SYNE2: variants seen among roughly 807,000 people sequenced by gnomAD.
SYNE2 encodes spectrin repeat containing nuclear envelope protein 2, also known as nesprin-2.
In SYNE2, 431 loss-of-function variants were observed where a neutral mutation model predicts 856.3. The observed-to-expected ratio is 0.50, with a 90% CI of 0.47 to 0.55. The LOEUF (loss-of-function observed/expected upper bound fraction) is 0.55, where lower values mean the gene tolerates loss of function less well. Ranked by LOEUF, SYNE2 falls within the 20% of genes least tolerant of loss-of-function variation. The probability of loss-of-function intolerance (pLI) is 0.00; values close to 1 mark genes in which losing one functional copy is unlikely to be tolerated. For synonymous variants in SYNE2, 2,923 were observed against 2,872.3 expected, an observed-to-expected ratio of 1.02 and a Z score of -0.56; for missense variants, 8,129 against 8,023.2, an observed-to-expected ratio of 1.01 and a Z score of -0.50.
At chr14:63,903,780 T>C (rs1374437468) in intron 1 of SYNE2, among the ~76,000 whole-genome samples, 1 of 151,638 alleles carries the variant, frequency 6.6e-6, no homozygotes, top group African/African-American at 2.4e-5. Context: ...TGATACCTTA[T>C]ATTTGATTAA....
intron 11 of SYNE2, 149 bp downstream of exon 11, chr14:63,967,995 T>C: frequency 1.4e-6 from 1 of 728,078 alleles, no homozygotes; most frequent in South Asian, 1.5e-5. Context: ...AAACCCTGTC[T>C]CTACTAAAAA....
chr14:64,046,011 A>G (rs2097183665), intron 45 of SYNE2, among the ~76,000 whole-genome samples: 1 of 152,230 alleles, frequency 6.6e-6, no homozygotes, highest in Non-Finnish European at 1.5e-5. Context: ...TTTATTCACA[A>G]ATTTGATACC....
chr14:64,180,361 G>T (rs2098452305), intron 96 of SYNE2, among the ~76,000 whole-genome samples: 1 of 151,108 alleles, frequency 6.6e-6, no homozygotes, highest in South Asian at 2.1e-4. Flanking sequence ...ACCATGAAAA[G>T]TTCTGATAAG....
chr14:64,203,208 G>C (rs1475477388), intron 100 of SYNE2, among the ~76,000 whole-genome samples: 1 of 151,988 alleles, frequency 6.6e-6, no homozygotes, highest in Non-Finnish European at 1.5e-5. Context: ...CTTAATCTTG[G>C]TGGTTAATGA....
intron 65 of SYNE2, 117 bp from the exon 66 acceptor site, chr14:64,113,224 C>T (rs2097826261): frequency 1.3e-6 from 2 of 1,564,940 alleles, no homozygotes; most frequent in East Asian, 4.6e-5. Flanking sequence ...TTCTTTCTTC[C>T]TTCTTCTGTC....
At chr14:63,767,478 AT>A (rs1194080382) in intron 1 of SYNE2, among the ~76,000 whole-genome samples, 1 of 152,130 alleles carries the variant, frequency 6.6e-6, no homozygotes, top group Non-Finnish European at 1.5e-5. Flanking sequence ...ATGCAAAATC[AT>A]TTAAATTAAG....
chr14:64,026,148 C>T (rs565502475), intron 41 of SYNE2, among the ~76,000 whole-genome samples: 8 of 151,986 alleles, frequency 5.3e-5, no homozygotes, highest in East Asian at 1.9e-4. Context: ...AAAGTGAGAA[C>T]GAGAATTAAT....
intron 2 of SYNE2, among the ~76,000 whole-genome samples, chr14:63,917,483 T>A (rs12892555): frequency 0.091 from 13,832 of 152,286 alleles, 700 homozygotes; most frequent in South Asian, 0.18. Flanking sequence ...TTATTTATTT[T>A]TTTTGAGACG....
chr14:64,071,451 G>A (rs940466888), intron 52 of SYNE2, among the ~76,000 whole-genome samples: 3 of 152,026 alleles, frequency 2.0e-5, no homozygotes, highest in Non-Finnish European at 2.9e-5. Flanking sequence ...CCGAGATCGC[G>A]CCACTGCACT....
At chr14:63,900,818 T>C (rs1275468984) in intron 1 of SYNE2, among the ~76,000 whole-genome samples, 2 of 152,220 alleles carry the variant, frequency 1.3e-5, no homozygotes, top group Non-Finnish European at 2.9e-5. Context: ...AACAAATTTA[T>C]TGCAGTGTTT....
intron 2 of SYNE2, among the ~76,000 whole-genome samples, chr14:63,916,034 G>T (rs905323198): frequency 2.0e-5 from 3 of 152,096 alleles, no homozygotes; most frequent in Admixed American, 6.5e-5. Context: ...AATAAATTGG[G>T]CACCTTCAAG....
intron 110 of SYNE2, 68 bp downstream of exon 110, chr14:64,219,478 G>A (rs1027789583): frequency 7.9e-6 from 12 of 1,515,870 alleles, no homozygotes; most frequent in Middle Eastern, 3.6e-4. Flanking sequence ...TATGCTGGAC[G>A]AGCAGATCCC....
At chr14:63,927,870 C>A (rs1019170948) in intron 2 of SYNE2, among the ~76,000 whole-genome samples, 1 of 151,688 alleles carries the variant, frequency 6.6e-6, no homozygotes, top group African/African-American at 2.4e-5. Context: ...CCAGCCTGGG[C>A]GACAGAGCGA....
intron 45 of SYNE2, among the ~76,000 whole-genome samples, chr14:64,036,711 C>G (rs1035994523): frequency 1.6e-4 from 24 of 152,120 alleles, no homozygotes; most frequent in African/African-American, 5.8e-4. Flanking sequence ...TAATTTTTCC[C>G]CAATCACTTA....
At chr14:63,795,527 A>T (rs1209711732) in intron 1 of SYNE2, among the ~76,000 whole-genome samples, 3 of 152,136 alleles carry the variant, frequency 2.0e-5, no homozygotes, top group Non-Finnish European at 4.4e-5. Flanking sequence ...ATACATATAT[A>T]CACATACATA....
At chr14:63,832,882 A>AT (rs1889720633) in intron 1 of SYNE2, among the ~76,000 whole-genome samples, 1 of 150,460 alleles carries the variant, frequency 6.6e-6, no homozygotes, top group African/African-American at 2.4e-5. Flanking sequence ...AAAAAAAAAA[A>AT]AAAAAAAATT....
Position 64,098,109 on chromosome 14 carries a change from A to G in SYNE2, c.12269A>G (p.Glu4090Gly). The G allele has an allele frequency of 6.2e-7, 1 of 1,614,108 alleles. No homozygotes were observed. The highest frequency in any genetic ancestry group is 8.5e-7 in the Non-Finnish European group (1 of 1,179,992). ...AGGCTGCCAGCTGTAACATCAGAGGAAGGTGGAGTGGCAGAGAGGGATGCT... is the reference window on the plus strand; with the variant it reads ...AGGCTGCCAGCTGTAACATCAGAGGGAGGTGGAGTGGCAGAGAGGGATGCT... ...RDRLPAVTSEEGGVAERDASE... is the reference protein window; with the variant it reads ...RDRLPAVTSEGGGVAERDASE... The change falls in exon 62 of 116, where the codon GAA becomes GGA. Residue 4090 changes from glutamate to glycine, a missense_variant. Around this residue, in one of 3 missense-constraint regions of SYNE2, gnomAD observed 5,410 missense variants for 5,284.8 expected, o/e 1.02. Transcript: ENST00000555002.
In SYNE2 at chr14:63,993,970, G is replaced by T. The variant is rs753394981; in HGVS notation, c.2781+1G>T. 5 of 1,613,610 alleles carry T rather than the reference G, an allele frequency of 3.1e-6. No individual in the cohort carries two copies. Among genetic ancestry groups the T allele is most frequent in the Non-Finnish European group, 4.2e-6 (5 of 1,179,666 alleles). ...TAGAGATGTCTGTGCCAAATGGGAG[G>T]TAAGAACATGCATATGTTTCTGAAC... On this transcript the variant is annotated splice_donor_variant, in intron 22 of 115. Transcript: ENST00000555002. LOFTEE classifies it high-confidence loss of function.
rs754984080 is a variant in SYNE2, at chr14:64,209,970, T to C, written c.18569T>C (p.Leu6190Pro). ...EAFQRQIHER[L>P]TQLELINKQY... The stretch of plus-strand genomic sequence containing the variant: ...TTTCAGCGGCAGATTCATGAGCGGC[T>C]CACTCAGCTGGAGCTCATCAACAAG... Residue 6190 changes from leucine to proline, a missense_variant, in exon 103 of 116, where the codon CTC becomes CCC. Coordinates refer to ENST00000555002, the MANE Select transcript of SYNE2 (RefSeq NM_182914.3). 1 of 1,614,048 alleles carries C rather than the reference T, an allele frequency of 6.2e-7. No individual in the cohort carries two copies. The highest frequency in any genetic ancestry group is 1.1e-5 in the South Asian group (1 of 91,074).
Sources: allele counts gnomAD v4.1 joint callset (sites outside exome capture counted in the v4.1 genomes callset), GRCh38; gene constraint gnomAD v4.1.1; regional missense constraint gnomAD v4.1.1; transcripts MANE v1.5; gene names NCBI Gene and HGNC (gene_info 2026-07-23, HGNC 2026-07-21).